Variants in HSPA12B observed in about 807,000 individuals in gnomAD.
HSPA12B encodes heat shock protein family A (Hsp70) member 12B, also known as heat shock 70 kDa protein 12B.
A neutral mutation model predicts 69.3 loss-of-function variants in HSPA12B; 54 were observed. The ratio of observed to expected loss-of-function variants is 0.78; its 90% CI spans 0.63 to 0.98. The LOEUF (loss-of-function observed/expected upper bound fraction) is 0.98. HSPA12B is among the 50% of genes least tolerant of loss of function. The pLI, the probability that HSPA12B is intolerant of heterozygous loss-of-function variation, is 0.00. For synonymous variants in HSPA12B, 441 were observed against 436.5 expected, an observed-to-expected ratio of 1.01 and a Z score of -0.13; for missense variants, 929 against 999.8, an observed-to-expected ratio of 0.93 and a Z score of 0.96.
In HSPA12B at chr20:3,751,849, C is replaced by G; in HGVS notation, c.1744C>G (p.Gln582Glu). ...CTTCGAGCGCTTCGTGGCCGCCGAG[C>G]AGTCGGTGGCCCTGGGCGAGGAGGT... ...DVFERFVAAE[Q>E]SVALGEEVRR... The change falls in exon 13 of 13, where the codon CAG (glutamine) becomes GAG (glutamate). Residue 582 changes from glutamine to glutamate, a missense_variant. Around this residue, in one of 3 missense-constraint regions of HSPA12B, gnomAD observed 448 missense variants for 448.1 expected, o/e 1.00. Coordinates refer to ENST00000254963, the MANE Select transcript of HSPA12B (RefSeq NM_052970.5). The G allele has an allele frequency of 6.5e-7, 1 of 1,543,846 alleles. No homozygotes were observed. Among genetic ancestry groups the G allele is most frequent in the Non-Finnish European group, 8.7e-7 (1 of 1,150,790 alleles).
At position 3,751,940 on chromosome 20, in the gene HSPA12B, C is replaced by A; in HGVS notation, c.1835C>A (p.Ala612Glu). The change falls in exon 13 of 13, where the codon GCG becomes GAG. Residue 612 changes from alanine (A) to glutamate (E), a missense_variant. Ala to Glu is a moderately radical substitution (Grantham distance 107). Around this residue, in one of 3 missense-constraint regions of HSPA12B, gnomAD observed 448 missense variants for 448.1 expected, o/e 1.00. Coordinates refer to ENST00000254963, the MANE Select transcript of HSPA12B (RefSeq NM_052970.5). The part of the protein sequence containing the change: ...RRVLINLYCC[A>E]AEDARFITDP... ...GTACTCATCAACCTGTACTGCTGCG[C>A]GGCAGAGGATGCGCGCTTCATCACC... 6.3e-7 allele frequency: 1 copy of A among 1,587,170 alleles called. No individual in the cohort carries two copies. Among genetic ancestry groups the A allele is most frequent in the African/African-American group, 1.4e-5 (1 of 73,968 alleles).
chr20:3,742,276 A>C lies in HSPA12B; in HGVS notation c.142-8A>C. 1 of 1,613,326 alleles carries C rather than the reference A, an allele frequency of 6.2e-7. No homozygotes were observed. Among genetic ancestry groups the C allele is most frequent in the Non-Finnish European group, 8.5e-7 (1 of 1,179,448 alleles). On this transcript the variant is annotated splice_region_variant and splice_polypyrimidine_tract_variant and intron_variant, in intron 3 of 12. Coordinates refer to ENST00000254963, the MANE Select transcript of HSPA12B (RefSeq NM_052970.5). ...GCTGCTTGCTAATTCTAAGTCTTGC[A>C]CTTGCAGAAACCCGAGGTCCGAGCC...
At chr20:3,751,341 C>T (rs942015606) in intron 12 of HSPA12B, 170 bp from the exon 13 acceptor site, 1 of 985,462 alleles carries the variant, frequency 1.0e-6, no homozygotes, top group Non-Finnish European at 1.2e-6. Flanking sequence ...TCGAGGACTC[C>T]CGTGAGCTCT....
At chr20:3,739,442 G>C (rs1048602911) in intron 2 of HSPA12B, among the ~76,000 whole-genome samples, 1 of 152,222 alleles carries the variant, frequency 6.6e-6, no homozygotes, top group Non-Finnish European at 1.5e-5. Flanking sequence ...TCTCCGCAGG[G>C]GTGGGAGGCC....
rs1183950593 is a variant in HSPA12B, at chr20:3,745,937, C to T, written c.581C>T (p.Ser194Leu). 4 of 1,614,034 alleles carry T rather than the reference C, an allele frequency of 2.5e-6. No individual in the cohort carries two copies. Among genetic ancestry groups the T allele is most frequent in the Non-Finnish European group, 2.5e-6 (3 of 1,179,984 alleles). ...CAGGAGCTGAGGGAGCAGAGCCCAT[C>T]GCTGCCAGAGAAGGACACTGTGCGC... ...ALQELREQSPSLPEKDTVRWV... is the reference protein window; with the variant it reads ...ALQELREQSPLLPEKDTVRWV... The change falls in exon 7 of 13, where the codon TCG (serine) becomes TTG (leucine). Residue 194 changes from serine to leucine, a missense_variant. This residue lies in a region of HSPA12B where 477 missense variants were observed against 535.2 expected (regional missense o/e 0.89). Transcript: ENST00000254963. The surrounding 1 kb of genome is among the most constrained non-coding windows in gnomAD (Gnocchi z 5.6).
At chr20:3,750,748 T>G in intron 11 of HSPA12B, 56 bp from the exon 12 acceptor site, 1 of 1,611,368 alleles carries the variant, frequency 6.2e-7, no homozygotes, top group South Asian at 1.1e-5. Context: ...GACCCCAAAC[T>G]GGGGCAAGCA....
chr20:3,736,799 G>A (rs921876740), intron 1 of HSPA12B, among the ~76,000 whole-genome samples: 10 of 152,298 alleles, frequency 6.6e-5, no homozygotes, highest in Admixed American at 3.9e-4. Flanking sequence ...GAGACGGGCG[G>A]ATCACCTGAG....
In HSPA12B at chr20:3,740,834, C is replaced by G. The variant is rs369473284; in HGVS notation, c.63C>G (p.Ser21=). Residue 21 remains serine (S), a synonymous_variant, in exon 3 of 13, where the codon TCC becomes TCG. Transcript: ENST00000254963. The surrounding 1 kb of genome is among the most constrained non-coding windows in gnomAD (Gnocchi z 4.9). ...GLYIGSSPER[S]PVPSPPGSPR... is the part of the protein sequence containing the mutation. ...CTGCAGGCTCCAGCCCGGAGCGGTC[C>G]CCAGTGCCTAGCCCACCCGGCTCCC... The G allele has an allele frequency of 2.5e-5, 40 of 1,613,728 alleles. No homozygotes were observed. The highest frequency in any genetic ancestry group is 3.4e-5 in the Non-Finnish European group (40 of 1,179,974).
At position 3,751,613 on chromosome 20, in the gene HSPA12B, TG is replaced by T; in HGVS notation, c.1511del (p.Gly504AlafsTer215). 1 of 1,529,850 alleles carries T rather than the reference TG, an allele frequency of 6.5e-7. No individual in the cohort carries two copies. The allele number at this position is 1,529,850 out of a possible 1,614,324, so 94.8% of individuals were successfully genotyped here. A position where few individuals can be genotyped will look rare whatever the true frequency, so the allele number is the denominator to read the frequency against. ...AVLQHAVQAA[L>X]GARGLRVVVP... is the part of the protein sequence containing the mutation. ...CTGCAGCACGCGGTGCAGGCGGCGC[TG>T]GGCGCCCGCGGTCTGCGTGTCGTGG... On this transcript the variant is annotated frameshift_variant, in exon 13 of 13. Coordinates refer to ENST00000254963, the MANE Select transcript of HSPA12B (RefSeq NM_052970.5). LOFTEE classifies it high-confidence loss of function.
chr20:3,751,488 C>A, intron 12 of HSPA12B, 23 bp from the exon 13 acceptor site: 3 of 1,382,100 alleles, frequency 2.2e-6, no homozygotes, highest in Non-Finnish European at 1.9e-6. Flanking sequence ...CCTTCACCCG[C>A]GTCCCCCCGT....
At position 3,740,971 on chromosome 20, in the gene HSPA12B, C is replaced by T. The variant is rs189449482; in HGVS notation, c.141+59C>T. The T allele has an allele frequency of 1.6e-5, 23 of 1,433,320 alleles. No individual in the cohort carries two copies. The East Asian group carries it at 5.1e-4, about 32-fold the overall frequency. The allele number at this position is 1,433,320 out of a possible 1,614,324, so 88.8% of individuals were successfully genotyped here. ...CCTGGCTGGTGTGGACAGGGTCGTG[C>T]GTGGCAAAGTCATGACAGGGCCTCA... On this transcript the variant is annotated intron_variant, in intron 3 of 12. Transcript: ENST00000254963. This position sits in a 1 kb window ranked among gnomAD's most constrained non-coding sequence, Gnocchi z 4.9.
intron 8 of HSPA12B, 46 bp downstream of exon 8, chr20:3,748,437 G>A: frequency 2.8e-6 from 4 of 1,446,098 alleles, no homozygotes; most frequent in Non-Finnish European, 3.7e-6. Context: ...GGGTCAGAGG[G>A]TCACTGAAGC....
intron 1 of HSPA12B, among the ~76,000 whole-genome samples, chr20:3,733,126 G>A (rs2088055787): frequency 1.3e-5 from 2 of 152,192 alleles, no homozygotes; most frequent in Admixed American, 6.5e-5. Flanking sequence ...GAGGGACCCG[G>A]TGCCTAGGTC....
Position 3,750,037 on chromosome 20 carries a change from G to A in HSPA12B, c.1111G>A (p.Asp371Asn), listed in dbSNP as rs939651041. 10 of 1,605,948 alleles carry A rather than the reference G, an allele frequency of 6.2e-6. No individual in the cohort carries two copies. The highest frequency in any genetic ancestry group is 7.6e-6 in the Non-Finnish European group (9 of 1,176,962). Residue 371 changes from aspartate to asparagine, a missense_variant, in exon 11 of 13, where the codon GAC becomes AAC. Transcript: ENST00000254963. Reference protein sequence around the residue: ...EQLLCRIFGEDFIATFKRQRP... With the variant: ...EQLLCRIFGENFIATFKRQRP... The stretch of plus-strand genomic sequence containing the variant: ...GCTGCTGTGCCGCATCTTCGGCGAG[G>A]ACTTCATCGCCACCTTCAAAAGGCA...
chr20:3,750,025 A>G lies in HSPA12B; in HGVS notation c.1099A>G (p.Ile367Val), dbSNP rs1188191267. Residue 367 changes from isoleucine (I) to valine (V), a missense_variant, in exon 11 of 13, where the codon ATC becomes GTC. Physicochemically the swap from Ile to Val is conservative, Grantham distance 29. Transcript: ENST00000254963. ...GGCCTTCGAGCAGCTGCTGTGCCGC[A>G]TCTTCGGCGAGGACTTCATCGCCAC... ...DLAFEQLLCR[I>V]FGEDFIATFK... is the part of the protein sequence containing the mutation. 6.3e-7 allele frequency: 1 copy of G among 1,599,096 alleles called. No individual in the cohort carries two copies. The highest frequency in any genetic ancestry group is 8.5e-7 in the Non-Finnish European group (1 of 1,173,748).
chr20:3,749,133 C>T lies in HSPA12B; in HGVS notation c.851-99C>T. 9.7e-7 allele frequency: 1 copy of T among 1,034,712 alleles called. No individual in the cohort carries two copies. The highest frequency in any genetic ancestry group is 1.4e-6 in the Non-Finnish European group (1 of 697,854). The allele number at this position is 1,034,712 out of a possible 1,614,324, so 64.1% of individuals were successfully genotyped here. ...GGAGTTTCAGGAGCACTGGCTGCTC[C>T]CAGTGCCCATGGAGGTCCTGGGCAG... On this transcript the variant is annotated intron_variant, in intron 8 of 12. Coordinates refer to ENST00000254963, the MANE Select transcript of HSPA12B (RefSeq NM_052970.5). The surrounding 1 kb of genome is among the most constrained non-coding windows in gnomAD (Gnocchi z 5.5).
chr20:3,750,864 C>G lies in HSPA12B; in HGVS notation c.1362C>G (p.Asn454Lys). The change falls in exon 12 of 13, where the codon AAC (asparagine) becomes AAG (lysine). Residue 454 changes from asparagine to lysine, a missense_variant. Physicochemically the swap from Asn to Lys is moderately conservative, Grantham distance 94. Coordinates refer to ENST00000254963, the MANE Select transcript of HSPA12B (RefSeq NM_052970.5). ...GMLRMSCEAM[N>K]ELFQPTVSGI... ...TCCGAATGTCTTGTGAAGCCATGAA[C>G]GAGCTCTTTCAGCCCACCGTCAGCG... The G allele has an allele frequency of 6.2e-7, 1 of 1,613,984 alleles. No individual in the cohort carries two copies. Among genetic ancestry groups the G allele is most frequent in the East Asian group, 2.2e-5 (1 of 44,880 alleles).
rs1338419289 is a variant in HSPA12B, at chr20:3,745,390, A to G, written c.454-103A>G. ...GGGCAAGAGTGGGACGGTGGTAAAG[A>G]GGAGGGGAAGCTCCAGGAAACGGGG... On this transcript the variant is annotated intron_variant, in intron 5 of 12. Transcript: ENST00000254963. This position sits in a 1 kb window ranked among gnomAD's most constrained non-coding sequence, Gnocchi z 5.6. 1 of 845,498 alleles carries G rather than the reference A, an allele frequency of 1.2e-6. No homozygotes were observed. Among genetic ancestry groups the G allele is most frequent in the Non-Finnish European group, 2.0e-6 (1 of 499,932 alleles). The allele number at this position is 845,498 out of a possible 1,614,324, so 52.4% of individuals were successfully genotyped here. A position where few individuals can be genotyped will look rare whatever the true frequency, so the allele number is the denominator to read the frequency against.
At chr20:3,746,377 A>C (rs895021300) in intron 7 of HSPA12B, among the ~76,000 whole-genome samples, 4 of 128,234 alleles carry the variant, frequency 3.1e-5, no homozygotes, top group Admixed American at 1.0e-4. Context: ...ATCTCGGCTC[A>C]CTGCAAGCTC....
Sources: gnomAD v4.1 joint callset for allele counts (sites outside exome capture counted in the v4.1 genomes callset) on GRCh38, gnomAD v4.1.1 for gene constraint, gnomAD v4.1.1 regional missense constraint, Gnocchi (gnomAD v3.1) non-coding constraint, MANE v1.5 for transcripts, NCBI Gene and HGNC (gene_info 2026-07-23, HGNC 2026-07-21) for gene names.